The following RALGPS2 variants were observed in gnomAD, a reference collection of about 807,000 sequenced individuals.
RALGPS2 encodes the protein ras-specific guanine nucleotide-releasing factor RalGPS2.
Under a neutral mutation model 86.8 loss-of-function variants are expected in RALGPS2, and 43 were observed. That is an observed-to-expected ratio of 0.50 (90% CI 0.39 to 0.64). The LOEUF (loss-of-function observed/expected upper bound fraction) is 0.64, where lower values mean the gene tolerates loss of function less well. RALGPS2 is among the 30% of genes least tolerant of loss of function. RALGPS2 has a pLI of 0.00. For missense variants in RALGPS2, 536 were observed against 694.6 expected (o/e 0.77, Z 2.57); for synonymous variants, 243 against 231.3 (o/e 1.05, Z -0.46).
intron 19 of RALGPS2, 44 bp from the exon 20 acceptor site, chr1:178,916,286 A>G (rs1292048769): frequency 1.1e-5 from 16 of 1,509,796 alleles, no homozygotes; most frequent in African/African-American, 4.2e-5. Flanking sequence ...TACTCCTTTG[A>G]AAAACAACTT....
intron 8 of RALGPS2, among the ~76,000 whole-genome samples, chr1:178,859,601 T>A (rs2102317123): frequency 6.6e-6 from 1 of 151,254 alleles, no homozygotes; most frequent in African/African-American, 2.4e-5. Context: ...TGTCCTCATA[T>A]ACCTAATATG....
intron 17 of RALGPS2, 68 bp downstream of exon 17, chr1:178,897,824 C>T: frequency 7.4e-7 from 1 of 1,346,716 alleles, no homozygotes; most frequent in Non-Finnish European, 1.0e-6. Context: ...AGAAAGCAGT[C>T]CTAATGGGAT....
At chr1:178,822,641 C>G (rs1169458400) in intron 7 of RALGPS2, among the ~76,000 whole-genome samples, 1 of 151,916 alleles carries the variant, frequency 6.6e-6, no homozygotes, top group Non-Finnish European at 1.5e-5. Flanking sequence ...GCTTGTGATC[C>G]TTTTTATGTT....
chr1:178,832,257 C>T (rs1305241126), intron 7 of RALGPS2, among the ~76,000 whole-genome samples: 1 of 152,196 alleles, frequency 6.6e-6, no homozygotes, highest in East Asian at 1.9e-4. Context: ...GACCCCTTGA[C>T]GTTGTATTTT....
chr1:178,727,680 T>C (rs1032332047), intron 1 of RALGPS2, among the ~76,000 whole-genome samples: 11 of 152,172 alleles, frequency 7.2e-5, no homozygotes, highest in African/African-American at 2.7e-4. Flanking sequence ...TTCAGTGTAG[T>C]GAATGATGGA....
chr1:178,784,369 TG>T, intron 2 of RALGPS2, 48 bp from the exon 3 acceptor site: 1 of 1,417,322 alleles, frequency 7.1e-7, no homozygotes. Context: ...TTCTATCACT[TG>T]ATTGTGAGAC....
intron 8 of RALGPS2, among the ~76,000 whole-genome samples, chr1:178,859,820 G>GC (rs796122342): frequency 0.053 from 482 of 9,026 alleles, 29 homozygotes; most frequent in Non-Finnish European, 0.064. Context: ...GCCTCTGCCC[G>GC]CCCCCCCCCC....
Position 178,890,960 on chromosome 1 carries a change from C to T in RALGPS2, c.1247+1264C>T, listed in dbSNP as rs956393624. Among the ~76,000 whole-genome samples the T allele has an allele frequency of 9.9e-5, 15 of 151,936 alleles. 1 individual carries two copies. The highest frequency in any genetic ancestry group is 8.5e-4 in the Admixed American group (13 of 15,242). On this transcript the variant is annotated intron_variant, in intron 14 of 19. Transcript: ENST00000367635. Reference sequence around the variant, plus strand: ...AAATTGTCTTTCCCTCTAGAAAGAACGTAAAACCATGAGAAGTTGATTATA... The same window carrying T: ...AAATTGTCTTTCCCTCTAGAAAGAATGTAAAACCATGAGAAGTTGATTATA...
At chr1:178,836,348 T>C (rs541752924) in intron 8 of RALGPS2, among the ~76,000 whole-genome samples, 1 of 152,338 alleles carries the variant, frequency 6.6e-6, no homozygotes, top group South Asian at 2.1e-4. Flanking sequence ...TCTCGTATCT[T>C]CCATTTTTCC....
intron 6 of RALGPS2, among the ~76,000 whole-genome samples, chr1:178,819,194 T>C (rs1655380870): frequency 1.3e-5 from 2 of 151,910 alleles, no homozygotes; most frequent in Non-Finnish European, 2.9e-5. Context: ...GGTTTTGCCA[T>C]GTTGCCCAGG....
intron 18 of RALGPS2, among the ~76,000 whole-genome samples, chr1:178,905,171 G>T (rs1012671459): frequency 3.3e-5 from 5 of 152,074 alleles, no homozygotes; most frequent in African/African-American, 1.2e-4. Context: ...GTCATTGTTG[G>T]TGTATAGAAG....
intron 8 of RALGPS2, chr1:178,853,500 CTG>C (rs1328323984): frequency 3.9e-6 from 4 of 1,028,810 alleles, no homozygotes; most frequent in Non-Finnish European, 4.1e-6. Flanking sequence ...TTATTTTTAA[CTG>C]TGTGTCTTAT....
intron 1 of RALGPS2, among the ~76,000 whole-genome samples, chr1:178,728,063 A>G (rs1159492403): frequency 6.6e-6 from 1 of 152,196 alleles, no homozygotes; most frequent in Non-Finnish European, 1.5e-5. Context: ...CAAGTATACC[A>G]AAGATAAACA....
intron 8 of RALGPS2, among the ~76,000 whole-genome samples, chr1:178,846,051 T>C (rs1439655712): frequency 1.3e-5 from 2 of 152,208 alleles, no homozygotes; most frequent in African/African-American, 2.4e-5. Flanking sequence ...AATATAGTTA[T>C]TTAGTTTTAG....
At chr1:178,747,043 G>T in intron 1 of RALGPS2, 1 of 877,508 alleles carries the variant, frequency 1.1e-6, no homozygotes, top group Non-Finnish European at 2.0e-6. Context: ...AGCCATGTAT[G>T]AGAATCTCAG....
intron 1 of RALGPS2, among the ~76,000 whole-genome samples, chr1:178,728,099 A>T (rs751403801): frequency 2.4e-4 from 36 of 152,338 alleles, no homozygotes; most frequent in Middle Eastern, 3.4e-3. Context: ...GATGATGCGT[A>T]GTTTACATGT....
chr1:178,915,671 G>C (rs1466504706), intron 19 of RALGPS2, among the ~76,000 whole-genome samples: 1 of 152,178 alleles, frequency 6.6e-6, no homozygotes, highest in Non-Finnish European at 1.5e-5. Flanking sequence ...ACACTTGTAA[G>C]GTATTTATGT....
chr1:178,761,054 A>C (rs1652213805), intron 1 of RALGPS2, among the ~76,000 whole-genome samples: 1 of 150,398 alleles, frequency 6.6e-6, no homozygotes, highest in African/African-American at 2.5e-5. Context: ...GGCTCACCAC[A>C]ACCTTTGCCT....
intron 8 of RALGPS2, among the ~76,000 whole-genome samples, chr1:178,836,092 C>T (rs1011987363): frequency 3.9e-5 from 6 of 152,130 alleles, no homozygotes; most frequent in Admixed American, 1.3e-4. Flanking sequence ...AAGCTGTGTA[C>T]GTCTGTATAT....
Sources: allele counts gnomAD v4.1 joint callset (sites outside exome capture counted in the v4.1 genomes callset), GRCh38; gene constraint gnomAD v4.1.1; transcripts MANE v1.5; gene names NCBI Gene and HGNC (gene_info 2026-07-23, HGNC 2026-07-21).